BANK1: variants seen among roughly 807,000 people sequenced by gnomAD.
BANK1 encodes the protein B cell scaffold protein with ankyrin repeats 1, also known as B-cell scaffold protein with ankyrin repeats.
A neutral mutation model predicts 94.5 loss-of-function variants in BANK1; 95 were observed. The observed-to-expected ratio is 1.00, with a 90% CI of 0.85 to 1.19. The LOEUF is 1.19. Among genes scored for constraint, BANK1 ranks in the 50% most tolerant of loss-of-function variants. The probability of loss-of-function intolerance (pLI) is 0.00; values close to 1 mark genes in which losing one functional copy is unlikely to be tolerated. For synonymous variants in BANK1, 334 were observed against 308.4 expected (o/e 1.08, Z -0.87); for missense variants, 987 against 932.2 (o/e 1.06, Z -0.77).
chr4:102,026,180 G>A (rs935678209), intron 9 of BANK1, among the ~76,000 whole-genome samples: 1 of 152,176 alleles, frequency 6.6e-6, no homozygotes, highest in African/African-American at 2.4e-5. Context: ...TCCTTGCGGA[G>A]GGCATGAAGA....
intron 7 of BANK1, among the ~76,000 whole-genome samples, chr4:101,924,125 A>T (rs2148902536): frequency 6.6e-6 from 1 of 151,948 alleles, no homozygotes; most frequent in East Asian, 1.9e-4. Flanking sequence ...CTGTAAAAAT[A>T]AATTTCCCAA....
chr4:101,904,271 A>C (rs1210687020), intron 6 of BANK1, among the ~76,000 whole-genome samples: 2 of 152,230 alleles, frequency 1.3e-5, no homozygotes, highest in African/African-American at 4.8e-5. Flanking sequence ...CATAGGTTGT[A>C]TGACTGAATT....
At chr4:101,952,734 A>G (rs1242011614) in intron 7 of BANK1, among the ~76,000 whole-genome samples, 1 of 152,138 alleles carries the variant, frequency 6.6e-6, no homozygotes, top group Non-Finnish European at 1.5e-5. Context: ...TATGCTGGGC[A>G]TATTAGCAAA....
intron 7 of BANK1, among the ~76,000 whole-genome samples, chr4:101,932,051 G>T (rs1288027966): frequency 6.6e-6 from 1 of 151,520 alleles, no homozygotes. Flanking sequence ...TTCCTAGGAA[G>T]TATTTTAAGA....
At chr4:101,828,274 A>G (rs1726441677) in intron 1 of BANK1, among the ~76,000 whole-genome samples, 2 of 151,522 alleles carry the variant, frequency 1.3e-5, no homozygotes, top group Admixed American at 1.3e-4. Context: ...ATAATGTTAC[A>G]AATGCTTTAT....
At chr4:101,871,522 T>G (rs1323925736) in intron 5 of BANK1, among the ~76,000 whole-genome samples, 1 of 152,156 alleles carries the variant, frequency 6.6e-6, no homozygotes, top group Non-Finnish European at 1.5e-5. Flanking sequence ...GACACATTTT[T>G]CTATTAGGGT....
intron 7 of BANK1, among the ~76,000 whole-genome samples, chr4:101,922,438 A>T (rs1723030046): frequency 6.6e-6 from 1 of 151,800 alleles, no homozygotes; most frequent in Admixed American, 6.6e-5. Context: ...GAAGCTTGTG[A>T]TGGATAGTGG....
intron 7 of BANK1, among the ~76,000 whole-genome samples, chr4:101,957,930 C>T (rs1224486227): frequency 1.3e-5 from 2 of 151,100 alleles, no homozygotes; most frequent in Admixed American, 6.6e-5. Context: ...CTGAAAGCTC[C>T]GCCTCCCAGG....
At chr4:101,953,427 A>G (rs143817083) in intron 7 of BANK1, among the ~76,000 whole-genome samples, 14 of 152,228 alleles carry the variant, frequency 9.2e-5, no homozygotes, top group East Asian at 5.8e-4. Flanking sequence ...GCAGAATTGC[A>G]TGGAGAGAAC....
intron 7 of BANK1, among the ~76,000 whole-genome samples, chr4:101,944,022 T>TTG (rs70937503): frequency 3.4e-5 from 5 of 148,144 alleles, no homozygotes; most frequent in African/African-American, 1.2e-4. Flanking sequence ...GTGTGTGTGT[T>TTG]TGTGTGTGTG....
chr4:102,053,618 A>G (rs1728126562), intron 11 of BANK1, among the ~76,000 whole-genome samples: 1 of 151,992 alleles, frequency 6.6e-6, no homozygotes, highest in Non-Finnish European at 1.5e-5. Flanking sequence ...GAAAGTATTA[A>G]CCAAAACATA....
At chr4:102,015,094 A>C (rs1318665352) in intron 7 of BANK1, among the ~76,000 whole-genome samples, 3 of 152,008 alleles carry the variant, frequency 2.0e-5, no homozygotes, top group Admixed American at 6.6e-5. Context: ...AGACATAACT[A>C]TGTGGCTTTT....
intron 1 of BANK1, among the ~76,000 whole-genome samples, chr4:101,818,699 A>G (rs750501272): frequency 6.6e-6 from 1 of 152,080 alleles, no homozygotes; most frequent in Non-Finnish European, 1.5e-5. Flanking sequence ...TATTTTATTA[A>G]TAATTATTGT....
At chr4:101,793,996 T>C (rs1399511765) in intron 1 of BANK1, among the ~76,000 whole-genome samples, 2 of 152,018 alleles carry the variant, frequency 1.3e-5, no homozygotes, top group Non-Finnish European at 2.9e-5. Flanking sequence ...TCAAAAAAAA[T>C]AGGAGATATG....
chr4:102,071,133 G>A, intron 13 of BANK1, 142 bp from the exon 14 acceptor site: 1 of 921,744 alleles, frequency 1.1e-6, no homozygotes. Context: ...GAAATTTGGG[G>A]TTGATATTTT....
At chr4:102,068,893 G>GA (rs1272708594) in intron 13 of BANK1, among the ~76,000 whole-genome samples, 1 of 150,274 alleles carries the variant, frequency 6.7e-6, no homozygotes, top group Non-Finnish European at 1.5e-5. Flanking sequence ...TAACAACTTA[G>GA]ACCAAAAAGG....
intron 1 of BANK1, among the ~76,000 whole-genome samples, chr4:101,801,119 C>G (rs186890375): frequency 6.8e-4 from 103 of 152,272 alleles, no homozygotes; most frequent in Non-Finnish European, 1.2e-3. Flanking sequence ...ACACTGTACC[C>G]TCTAGACATG....
intron 7 of BANK1, among the ~76,000 whole-genome samples, chr4:102,014,886 A>G (rs1030690399): frequency 2.0e-5 from 3 of 152,158 alleles, no homozygotes; most frequent in Non-Finnish European, 2.9e-5. Context: ...AAGGTGTTTT[A>G]TCTGAGTTCT....
At chr4:102,033,331 C>T (rs765026336) in intron 10 of BANK1, among the ~76,000 whole-genome samples, 2 of 152,158 alleles carry the variant, frequency 1.3e-5, no homozygotes, top group Non-Finnish European at 2.9e-5. Flanking sequence ...AACTTGGGGC[C>T]ATGACTGGTT....
Sources: allele counts gnomAD v4.1 joint callset (sites outside exome capture counted in the v4.1 genomes callset), GRCh38; gene constraint gnomAD v4.1.1; transcripts MANE v1.5; gene names NCBI Gene and HGNC (gene_info 2026-07-23, HGNC 2026-07-21).